The following PCNX1 variants were observed in gnomAD, a reference collection of about 807,000 sequenced individuals.
The protein encoded by PCNX1 is pecanex-like protein 1.
In PCNX1, 78 loss-of-function variants were observed where a neutral mutation model predicts 242.2. The observed-to-expected ratio is 0.32, with a 90% CI of 0.27 to 0.39. The LOEUF (loss-of-function observed/expected upper bound fraction) is 0.39, where lower values mean the gene tolerates loss of function less well. Among genes scored for constraint, PCNX1 ranks in the 10% least tolerant of loss-of-function variants. The probability of loss-of-function intolerance (pLI) is 1.00; values close to 1 mark genes in which losing one functional copy is unlikely to be tolerated. For missense variants in PCNX1, 2,581 were observed against 2,856.5 expected (o/e 0.90, Z 2.20); for synonymous variants, 1,024 against 1,032.9 (o/e 0.99, Z 0.17).
rs2062707135 is a variant in PCNX1 at position 71,109,367 on chromosome 14, CTG to C, written c.6745-82_6745-81del. 13 of 1,209,508 alleles carry C rather than the reference CTG, an allele frequency of 1.1e-5. No homozygotes were observed. In the East Asian group the frequency reaches 3.2e-4, roughly 30 times the overall value. 74.9% of individuals were successfully genotyped at this position (1,209,508 alleles called of 1,614,324 possible). A position where few individuals can be genotyped will look rare whatever the true frequency, so the allele number is the denominator to read the frequency against. Reference sequence around the variant, plus strand: ...TAGGAATTTAAAAAGTAATTCCTCTCTGTGAAAAGCATTTTGTTTGAGATTAC... The same window carrying C: ...TAGGAATTTAAAAAGTAATTCCTCTCTGAAAAGCATTTTGTTTGAGATTAC... On this transcript the variant is annotated intron_variant, in intron 34 of 35. Coordinates refer to ENST00000304743, the MANE Select transcript of PCNX1 (RefSeq NM_014982.3).
Position 70,907,653 on chromosome 14 carries a change from C to T in PCNX1, c.-198C>T. 1 of 490,894 alleles carries T rather than the reference C, an allele frequency of 2.0e-6. No homozygotes were observed. The highest frequency in any genetic ancestry group is 2.9e-6 in the Non-Finnish European group (1 of 342,984). 30.4% of individuals were successfully genotyped at this position (490,894 alleles called of 1,614,324 possible). On this transcript the variant is annotated 5_prime_UTR_variant, in exon 1 of 36. Coordinates refer to ENST00000304743, the MANE Select transcript of PCNX1 (RefSeq NM_014982.3). The stretch of plus-strand genomic sequence containing the variant: ...CCCGCCGCTCGCCGCCTCCTCCTCT[C>T]GGGTCTCCTCCTCCTCGTTTGCTGC...
chr14:71,019,498 T>C (rs932186518), intron 12 of PCNX1, among the ~76,000 whole-genome samples: 1 of 152,126 alleles, frequency 6.6e-6, no homozygotes, highest in African/African-American at 2.4e-5. Context: ...GCCTCCCAGG[T>C]TCAAGTGATT....
chr14:70,994,425 ATATATG>A lies in PCNX1; in HGVS notation c.2445-1312_2445-1307del, dbSNP rs1168305814. On this transcript the variant is annotated intron_variant, in intron 7 of 35. Coordinates refer to ENST00000304743, the MANE Select transcript of PCNX1 (RefSeq NM_014982.3). ...TATATATATATATATATATATATAT[ATATATG>A]TATGTATGTATGTTTCAACATAGCC... Among the ~76,000 whole-genome samples, 834 of 112,616 alleles carry A rather than the reference ATATATG, an allele frequency of 7.4e-3. 14 individuals carry two copies. The highest frequency in any genetic ancestry group is 0.053 in the Admixed American group (549 of 10,314). The allele number at this position is 112,616 out of a possible 152,430, so 73.9% of individuals were successfully genotyped here.
chr14:70,970,405 A>G (rs1317345882), intron 5 of PCNX1, among the ~76,000 whole-genome samples: 1 of 152,068 alleles, frequency 6.6e-6, no homozygotes, highest in African/African-American at 2.4e-5. Flanking sequence ...GTCAATATCA[A>G]TTTCTTTGAG....
chr14:70,936,959 GC>G (rs1327611621), intron 1 of PCNX1, among the ~76,000 whole-genome samples: 1 of 152,126 alleles, frequency 6.6e-6, no homozygotes, highest in African/African-American at 2.4e-5. Context: ...TATATCCTTT[GC>G]CCACTTTTTG....
At chr14:70,943,788 G>C (rs1594973121) in intron 1 of PCNX1, among the ~76,000 whole-genome samples, 2 of 152,354 alleles carry the variant, frequency 1.3e-5, no homozygotes, top group South Asian at 2.1e-4. Context: ...CTTGGGCGAG[G>C]CCAGGGCCTT....
intron 5 of PCNX1, among the ~76,000 whole-genome samples, chr14:70,970,313 T>C (rs549456573): frequency 4.6e-5 from 7 of 151,592 alleles, no homozygotes; most frequent in African/African-American, 1.7e-4. Flanking sequence ...CAGCAATAAG[T>C]TGTGGTAGTG....
intron 1 of PCNX1, among the ~76,000 whole-genome samples, chr14:70,920,902 G>A (rs1220036911): frequency 6.6e-6 from 1 of 152,104 alleles, no homozygotes; most frequent in Admixed American, 6.6e-5. Context: ...GCCTTATGGT[G>A]GGACCTTTAT....
At chr14:71,051,466 A>G (rs2061033738) in intron 23 of PCNX1, among the ~76,000 whole-genome samples, 8 of 152,144 alleles carry the variant, frequency 5.3e-5, no homozygotes. Context: ...AAACTTCTGT[A>G]AAAAATTTTC....
At chr14:70,952,169 T>G (rs1463205599) in intron 2 of PCNX1, among the ~76,000 whole-genome samples, 1 of 152,202 alleles carries the variant, frequency 6.6e-6, no homozygotes, top group African/African-American at 2.4e-5. Flanking sequence ...GAATAATTCC[T>G]GACACATGGT....
At chr14:70,975,863 G>C (rs1337486273) in intron 5 of PCNX1, among the ~76,000 whole-genome samples, 3 of 151,260 alleles carry the variant, frequency 2.0e-5, no homozygotes, top group Non-Finnish European at 4.4e-5. Flanking sequence ...TTAAAGCAGT[G>C]GTCTTACAGA....
At position 70,976,401 on chromosome 14, in the gene PCNX1, C is replaced by G. The variant is rs376583104; in HGVS notation, c.605-541C>G. On this transcript the variant is annotated intron_variant, in intron 5 of 35. Transcript: ENST00000304743. Reference sequence around the variant, plus strand: ...TTTTTTTTTTTTTTTGAGACAGAGTCCTGCTCTTTTGCCCAGGCTGGAGTG... The same window carrying G: ...TTTTTTTTTTTTTTTGAGACAGAGTGCTGCTCTTTTGCCCAGGCTGGAGTG... Among the ~76,000 whole-genome samples, 512 of 141,944 alleles carry G rather than the reference C, an allele frequency of 3.6e-3. 1 individual carries two copies. The highest frequency in any genetic ancestry group is 0.013 in the African/African-American group (495 of 38,436). 93.1% of individuals were successfully genotyped at this position (141,944 alleles called of 152,430 possible).
intron 1 of PCNX1, among the ~76,000 whole-genome samples, chr14:70,918,396 G>C (rs2526871): frequency 6.6e-6 from 1 of 151,918 alleles, no homozygotes; most frequent in East Asian, 1.9e-4. Context: ...AAGGTTGATG[G>C]TACTCCCATC....
intron 35 of PCNX1, 40 bp downstream of exon 35, chr14:71,109,632 T>C: frequency 6.2e-7 from 1 of 1,611,460 alleles, no homozygotes. Flanking sequence ...GGCTCTGCCT[T>C]TTTTGAAGTC....
intron 19 of PCNX1, among the ~76,000 whole-genome samples, chr14:71,039,381 C>T (rs2060641307): frequency 2.0e-5 from 3 of 152,132 alleles, no homozygotes; most frequent in Admixed American, 2.0e-4. Context: ...GCCTCAGTTC[C>T]TTCTGACTAT....
intron 2 of PCNX1, among the ~76,000 whole-genome samples, chr14:70,953,931 G>T (rs1258632338): frequency 1.3e-5 from 2 of 152,202 alleles, no homozygotes; most frequent in African/African-American, 4.8e-5. Flanking sequence ...GCCTCCCAAA[G>T]TGCTGGGATT....
intron 7 of PCNX1, among the ~76,000 whole-genome samples, chr14:70,995,376 A>C (rs1415096545): frequency 1.3e-5 from 2 of 152,226 alleles, no homozygotes; most frequent in African/African-American, 4.8e-5. Flanking sequence ...ACTGAAACAT[A>C]GGGCTTATCT....
In PCNX1 at chr14:71,045,801, A is replaced by G. The variant is rs77029379; in HGVS notation, c.4018+518A>G. Among the ~76,000 whole-genome samples, 1,369 of 152,320 alleles carry G rather than the reference A, an allele frequency of 9.0e-3. 10 individuals carry two copies. The highest frequency in any genetic ancestry group is 0.012 in the Non-Finnish European group (843 of 68,006). On this transcript the variant is annotated intron_variant, in intron 20 of 35. Transcript: ENST00000304743. ...ATTAAAAACATTTTTAATAGCTGTT[A>G]TTAGTTCAGATTTGCAATAAAGTAT...
At chr14:71,060,110 G>T (rs565174636) in intron 26 of PCNX1, among the ~76,000 whole-genome samples, 1 of 152,164 alleles carries the variant, frequency 6.6e-6, no homozygotes, top group Non-Finnish European at 1.5e-5. Flanking sequence ...ATGGACTGCA[G>T]CAATGGACTG....
Sources: gnomAD v4.1 joint callset for allele counts (sites outside exome capture counted in the v4.1 genomes callset) on GRCh38, gnomAD v4.1.1 for gene constraint, MANE v1.5 for transcripts, NCBI Gene and HGNC (gene_info 2026-07-23, HGNC 2026-07-21) for gene names.